The following IL1R2 variants were observed in gnomAD, a reference collection of about 807,000 sequenced individuals.
IL1R2 encodes interleukin 1 receptor type 2, also known as interleukin-1 receptor type 2.
Under a neutral mutation model 39.5 loss-of-function variants are expected in IL1R2, and 46 were observed. The ratio of observed to expected loss-of-function variants is 1.16; its 90% CI spans 0.92 to 1.49. The LOEUF (loss-of-function observed/expected upper bound fraction) is 1.49, where lower values mean the gene tolerates loss of function less well. Ranked by LOEUF, IL1R2 falls within the 40% of genes most tolerant of loss-of-function variation. The pLI is 0.00. For missense variants in IL1R2, 537 were observed against 502.0 expected (o/e 1.07, Z -0.67); for synonymous variants, 207 against 189.6 (o/e 1.09, Z -0.75).
intron 1 of IL1R2, among the ~76,000 whole-genome samples, chr2:101,997,966 TC>T (rs1675671081): frequency 6.6e-6 from 1 of 152,160 alleles, no homozygotes; most frequent in South Asian, 2.1e-4. Flanking sequence ...GGAAGGAACT[TC>T]CCCTGCATCA....
In IL1R2 at chr2:102,015,915, T is replaced by C; in HGVS notation, c.377T>C (p.Phe126Ser). Reference protein sequence around the residue: ...CDKMSIELRVFENTDAFLPFI... With the variant: ...CDKMSIELRVSENTDAFLPFI... ...AAAATGTCCATTGAGCTCAGAGTTT[T>C]TGAGAATACAGATGCTTTCCTGCCG... The change falls in exon 4 of 9, where the codon TTT becomes TCT. Residue 126 changes from phenylalanine to serine, a missense_variant. Coordinates refer to ENST00000332549, the MANE Select transcript of IL1R2 (RefSeq NM_004633.4). 1 of 1,614,118 alleles carries C rather than the reference T, an allele frequency of 6.2e-7. No individual in the cohort carries two copies. Among genetic ancestry groups the C allele is most frequent in the South Asian group, 1.1e-5 (1 of 91,084 alleles).
At chr2:102,017,786 A>T (rs891224269) in intron 4 of IL1R2, among the ~76,000 whole-genome samples, 1 of 152,196 alleles carries the variant, frequency 6.6e-6, no homozygotes, top group Non-Finnish European at 1.5e-5. Flanking sequence ...CCGCTTTCAC[A>T]TGGCCTAGTT....
intron 5 of IL1R2, 98 bp downstream of exon 5, chr2:102,019,910 G>C (rs896089014): frequency 9.7e-7 from 1 of 1,029,522 alleles, no homozygotes; most frequent in Admixed American, 2.6e-5. Context: ...CAGGTCTTTG[G>C]AATGAAGGAT....
chr2:102,007,374 T>C (rs528863673), intron 1 of IL1R2, among the ~76,000 whole-genome samples: 1 of 152,316 alleles, frequency 6.6e-6, no homozygotes, highest in African/African-American at 2.4e-5. Context: ...CAGAGTTGTA[T>C]GTAAAACAGG....
rs1332620149 is a variant in IL1R2 at position 102,024,550 on chromosome 2, C to G, written c.769C>G (p.Pro257Ala). The change falls in exon 7 of 9, where the codon CCG (proline) becomes GCG (alanine). Residue 257 changes from proline (P) to alanine (A), a missense_variant. Physicochemically the swap from Pro to Ala is conservative, Grantham distance 27 (BLOSUM62 -1). Coordinates refer to ENST00000332549, the MANE Select transcript of IL1R2 (RefSeq NM_004633.4). Reference protein sequence around the residue: ...SASLGSRLTIPCKVFLGTGTP... With the variant: ...SASLGSRLTIACKVFLGTGTP... ...ATCCACAGGGTCAAGACTGACAATC[C>G]CGTGTAAGGTGTTTCTGGGAACCGG... 1 of 1,613,842 alleles carries G rather than the reference C, an allele frequency of 6.2e-7. No homozygotes were observed. The highest frequency in any genetic ancestry group is 8.5e-7 in the Non-Finnish European group (1 of 1,179,934).
intron 2 of IL1R2, 137 bp downstream of exon 2, chr2:102,008,779 T>C: frequency 1.4e-6 from 1 of 717,992 alleles, no homozygotes; most frequent in South Asian, 1.6e-5. Context: ...TGTTAGTACT[T>C]GAGAGCCCTA....
At chr2:102,022,571 T>C (rs1677471179) in intron 6 of IL1R2, among the ~76,000 whole-genome samples, 1 of 152,220 alleles carries the variant, frequency 6.6e-6, no homozygotes, top group African/African-American at 2.4e-5. Flanking sequence ...ATGAACAGCA[T>C]GAACCCCAGG....
At chr2:101,994,787 T>G (rs1303119904) in intron 1 of IL1R2, among the ~76,000 whole-genome samples, 1 of 152,206 alleles carries the variant, frequency 6.6e-6, no homozygotes. Context: ...TGGTCTGAAT[T>G]TTTCATAAAT....
chr2:102,024,004 G>A (rs1168203590), intron 6 of IL1R2, among the ~76,000 whole-genome samples: 2 of 147,970 alleles, frequency 1.4e-5, no homozygotes, highest in Admixed American at 6.8e-5. Flanking sequence ...AGCCGAGATC[G>A]CCCCACCGCA....
chr2:102,009,915 C>T, intron 3 of IL1R2, 89 bp downstream of exon 3: 1 of 1,444,304 alleles, frequency 6.9e-7, no homozygotes, highest in Non-Finnish European at 9.5e-7. Flanking sequence ...TCTCAGAATC[C>T]AGTGTACAAA....
chr2:102,025,144 C>T (rs1677654287), intron 7 of IL1R2, among the ~76,000 whole-genome samples: 1 of 152,166 alleles, frequency 6.6e-6, no homozygotes, highest in Admixed American at 6.5e-5. Context: ...ATTCAGTTCT[C>T]ATAAGCAGTC....
intron 4 of IL1R2, among the ~76,000 whole-genome samples, chr2:102,017,662 A>G (rs1201079270): frequency 1.3e-5 from 2 of 152,232 alleles, no homozygotes; most frequent in African/African-American, 4.8e-5. Context: ...TTGGAAAAAA[A>G]GTAAAAGAAG....
intron 1 of IL1R2, among the ~76,000 whole-genome samples, chr2:101,994,572 C>T (rs1675499035): frequency 6.6e-6 from 1 of 152,172 alleles, no homozygotes; most frequent in Non-Finnish European, 1.5e-5. Flanking sequence ...ATCTGCATTT[C>T]TAATAAGTGT....
intron 1 of IL1R2, among the ~76,000 whole-genome samples, chr2:101,996,765 T>G (rs1373073059): frequency 6.6e-6 from 1 of 151,646 alleles, no homozygotes; most frequent in African/African-American, 2.4e-5. Flanking sequence ...TTATATGTAT[T>G]ATATACTCAG....
At chr2:102,023,029 A>T (rs899890657) in intron 6 of IL1R2, among the ~76,000 whole-genome samples, 1 of 152,228 alleles carries the variant, frequency 6.6e-6, no homozygotes. Flanking sequence ...GCTCAGAGTC[A>T]GGCTGGAGTT....
At chr2:102,021,132 C>A (rs1049571345) in intron 5 of IL1R2, among the ~76,000 whole-genome samples, 1 of 151,942 alleles carries the variant, frequency 6.6e-6, no homozygotes, top group African/African-American at 2.4e-5. Flanking sequence ...AGCCGTCTGC[C>A]CCTCAGGCTG....
chr2:102,008,858 A>C (rs1299857835), intron 2 of IL1R2, among the ~76,000 whole-genome samples: 2 of 127,194 alleles, frequency 1.6e-5, no homozygotes, highest in South Asian at 2.6e-4. Context: ...CCACGTCTCT[A>C]CAAAAAAAAA....
intron 5 of IL1R2, among the ~76,000 whole-genome samples, chr2:102,020,118 G>T (rs1040936447): frequency 6.6e-6 from 1 of 152,224 alleles, no homozygotes; most frequent in Non-Finnish European, 1.5e-5. Flanking sequence ...CCCTTGGAAA[G>T]TGTCCTGTGA....
At chr2:102,009,040 A>C (rs1676451882) in intron 2 of IL1R2, among the ~76,000 whole-genome samples, 2 of 151,924 alleles carry the variant, frequency 1.3e-5, no homozygotes, top group African/African-American at 4.8e-5. Context: ...AAAAATAAAA[A>C]AGGAAAAATT....
Sources: gnomAD v4.1 joint callset for allele counts (sites outside exome capture counted in the v4.1 genomes callset) on GRCh38, gnomAD v4.1.1 for gene constraint, MANE v1.5 for transcripts, NCBI Gene and HGNC (gene_info 2026-07-23, HGNC 2026-07-21) for gene names.